Variants in PDE4D observed in about 807,000 individuals in gnomAD.
The protein encoded by PDE4D is 3',5'-cyclic-AMP phosphodiesterase 4D.
In PDE4D, 24 loss-of-function variants were observed where a neutral mutation model predicts 87.4. That is an observed-to-expected ratio of 0.27 (90% CI 0.20 to 0.39). The LOEUF (loss-of-function observed/expected upper bound fraction) is 0.39, where lower values mean the gene tolerates loss of function less well. PDE4D is among the 10% of genes least tolerant of loss of function. The probability of loss-of-function intolerance (pLI) is 1.00; values close to 1 mark genes in which losing one functional copy is unlikely to be tolerated. For missense variants in PDE4D, 714 were observed against 1,041.0 expected (o/e 0.69, Z 4.32); for synonymous variants, 384 against 383.2 (o/e 1.00, Z -0.02).
intron 1 of PDE4D, among the ~76,000 whole-genome samples, chr5:59,862,934 A>G (rs893076123): frequency 1.3e-5 from 2 of 152,216 alleles, no homozygotes; most frequent in African/African-American, 2.4e-5. Context: ...TTCTTGGGCT[A>G]TTAGGACTTC....
chr5:60,116,293 C>T (rs1002251166), intron 2 of PDE4D, among the ~76,000 whole-genome samples: 3 of 152,166 alleles, frequency 2.0e-5, no homozygotes, highest in African/African-American at 7.2e-5. Context: ...TGCCCACAGA[C>T]AAAAGGTTGA....
intron 3 of PDE4D, among the ~76,000 whole-genome samples, chr5:59,928,314 G>T (rs558883125): frequency 6.6e-6 from 1 of 152,230 alleles, no homozygotes; most frequent in East Asian, 1.9e-4. Context: ...CAGTAGAAAA[G>T]GATAAAGGAA....
chr5:59,054,500 A>G (rs768408267), intron 5 of PDE4D, among the ~76,000 whole-genome samples: 10 of 152,062 alleles, frequency 6.6e-5, no homozygotes, highest in Non-Finnish European at 1.0e-4. Context: ...CTCCTATTTA[A>G]AGAAACTCTT....
chr5:59,020,802 T>C (rs999083770), intron 6 of PDE4D, among the ~76,000 whole-genome samples: 1 of 152,168 alleles, frequency 6.6e-6, no homozygotes, highest in South Asian at 2.1e-4. Context: ...CATTCCCTTG[T>C]AACAACTACA....
intron 2 of PDE4D, among the ~76,000 whole-genome samples, chr5:59,990,868 A>G (rs1329266629): frequency 6.6e-6 from 1 of 152,162 alleles, no homozygotes; most frequent in African/African-American, 2.4e-5. Flanking sequence ...TCAAAGTCCT[A>G]TGTCCAGGGA....
chr5:59,377,373 T>C (rs376472922), intron 1 of PDE4D, among the ~76,000 whole-genome samples: 13 of 149,102 alleles, frequency 8.7e-5, no homozygotes, highest in Admixed American at 4.0e-4. Flanking sequence ...GCTGAGATCA[T>C]GCCACTGCAC....
intron 1 of PDE4D, among the ~76,000 whole-genome samples, chr5:59,823,437 G>T (rs1769946776): frequency 6.6e-6 from 1 of 152,264 alleles, no homozygotes; most frequent in Middle Eastern, 3.4e-3. Flanking sequence ...GGGAAGGACA[G>T]AGCTTGCCCA....
At chr5:59,575,129 C>T (rs557424071) in intron 1 of PDE4D, among the ~76,000 whole-genome samples, 1 of 152,128 alleles carries the variant, frequency 6.6e-6, no homozygotes, top group South Asian at 2.1e-4. Flanking sequence ...ACATATAATA[C>T]AAAGCTAGTA....
intron 1 of PDE4D, among the ~76,000 whole-genome samples, chr5:60,187,670 T>C (rs879419508): frequency 1.3e-5 from 2 of 152,166 alleles, no homozygotes; most frequent in Non-Finnish European, 2.9e-5. Context: ...TACTTTCCTA[T>C]GGGAATTTAG....
intron 1 of PDE4D, among the ~76,000 whole-genome samples, chr5:59,766,441 C>T (rs145717363): frequency 1.8e-4 from 27 of 152,296 alleles, no homozygotes; most frequent in African/African-American, 6.3e-4. Context: ...CCAGAAATGT[C>T]AGAAGAAAGC....
At chr5:59,444,433 C>T (rs2153637515) in intron 1 of PDE4D, among the ~76,000 whole-genome samples, 1 of 152,160 alleles carries the variant, frequency 6.6e-6, no homozygotes, top group South Asian at 2.1e-4. Flanking sequence ...TTTGTTTTTC[C>T]TTTTGATCCA....
At chr5:60,161,284 T>TC in intron 2 of PDE4D, among the ~76,000 whole-genome samples, 1 of 152,234 alleles carries the variant, frequency 6.6e-6, no homozygotes, top group East Asian at 1.9e-4. Context: ...GGCTTTTGAG[T>TC]TCCAAATGGG....
intron 1 of PDE4D, among the ~76,000 whole-genome samples, chr5:59,383,877 ATTTTTG>A (rs1030718072): frequency 3.3e-5 from 5 of 151,830 alleles, no homozygotes; most frequent in Non-Finnish European, 5.9e-5. Flanking sequence ...GAAGTAAACC[ATTTTTG>A]TTTTTGTTTT....
chr5:59,094,338 T>C (rs1409075369), intron 5 of PDE4D, among the ~76,000 whole-genome samples: 1 of 141,364 alleles, frequency 7.1e-6, no homozygotes, highest in East Asian at 2.2e-4. Context: ...TGTGAACAAA[T>C]CTTCTAGAAG....
chr5:60,223,075 T>C (rs1490354278), intron 1 of PDE4D, among the ~76,000 whole-genome samples: 1 of 152,118 alleles, frequency 6.6e-6, no homozygotes, highest in Non-Finnish European at 1.5e-5. Flanking sequence ...GGATCCTTCT[T>C]GTTAAGTGTG....
chr5:59,767,061 C>G (rs1315069686), intron 1 of PDE4D, among the ~76,000 whole-genome samples: 1 of 152,150 alleles, frequency 6.6e-6, no homozygotes, highest in Non-Finnish European at 1.5e-5. Context: ...TCTATAACAT[C>G]AATGCATTCC....
intron 1 of PDE4D, among the ~76,000 whole-genome samples, chr5:60,321,024 C>T (rs1756208458): frequency 6.6e-6 from 1 of 152,246 alleles, no homozygotes; most frequent in South Asian, 2.1e-4. Context: ...CTACCAATGA[C>T]ATTTTCCAAA....
At chr5:59,031,708 A>AAAAG (rs1757566484) in intron 6 of PDE4D, among the ~76,000 whole-genome samples, 1 of 91,148 alleles carries the variant, frequency 1.1e-5, no homozygotes, top group African/African-American at 3.8e-5. Flanking sequence ...ACTCCACCTC[A>AAAAG]AAAAAAAAAA....
At chr5:60,345,513 A>G (rs1482578874) in intron 1 of PDE4D, among the ~76,000 whole-genome samples, 1 of 151,590 alleles carries the variant, frequency 6.6e-6, no homozygotes, top group Admixed American at 6.6e-5. Context: ...TAACTATTTG[A>G]TGAGCATCTA....
Sources: allele counts gnomAD v4.1 joint callset (sites outside exome capture counted in the v4.1 genomes callset), GRCh38; gene constraint gnomAD v4.1.1; transcripts MANE v1.5; gene names NCBI Gene and HGNC (gene_info 2026-07-23, HGNC 2026-07-21).